The following TBC1D4 variants were observed in gnomAD, a reference collection of about 807,000 sequenced individuals.
TBC1D4 encodes TBC1 domain family member 4.
TBC1D4 carries 121 observed loss-of-function variants against 142.5 expected under a neutral mutation model. That is an observed-to-expected ratio of 0.85 (90% confidence interval 0.73 to 0.99). TBC1D4 has a LOEUF of 0.99. Ranked by LOEUF, TBC1D4 falls within the 50% of genes least tolerant of loss-of-function variation. The pLI is 0.00. For missense variants in TBC1D4, 1,475 were observed against 1,606.6 expected (o/e 0.92, Z 1.40); for synonymous variants, 630 against 628.2 (o/e 1.00, Z -0.04).
intron 12 of TBC1D4, among the ~76,000 whole-genome samples, chr13:75,314,831 T>TAGCTGGGC (rs1878138093): frequency 6.9e-6 from 1 of 145,220 alleles, no homozygotes; most frequent in Admixed American, 6.8e-5. Flanking sequence ...AAAAAAAAAT[T>TAGCTGGGC]AGCTGGGCAT....
In TBC1D4 at chr13:75,286,665, A is replaced by C; in HGVS notation, c.*127T>G. ...AGCACGAGGTCCACCTGCTGTGACT[A>C]GGCGCTCAGCACCAGTATTAGGTGG... On this transcript the variant is annotated 3_prime_UTR_variant, in exon 21 of 21. Transcript: ENST00000377636. 4 of 907,952 alleles carry C rather than the reference A, an allele frequency of 4.4e-6. No homozygotes were observed. Among genetic ancestry groups the C allele is most frequent in the Non-Finnish European group, 7.0e-6 (4 of 568,442 alleles). The allele number at this position is 907,952 out of a possible 1,614,324, so 56.2% of individuals were successfully genotyped here. A position where few individuals can be genotyped will look rare whatever the true frequency, so the allele number is the denominator to read the frequency against.
intron 11 of TBC1D4, among the ~76,000 whole-genome samples, chr13:75,323,498 T>A (rs973904331): frequency 1.6e-4 from 24 of 152,122 alleles, no homozygotes; most frequent in African/African-American, 3.9e-4. Flanking sequence ...TTAATTTTTT[T>A]TAAAAAAAGC....
chr13:75,348,599 T>C (rs1881339294), intron 5 of TBC1D4, among the ~76,000 whole-genome samples: 2 of 152,304 alleles, frequency 1.3e-5, no homozygotes, highest in African/African-American at 4.8e-5. Context: ...GGATCATCTC[T>C]TTCTCATGGC....
intron 1 of TBC1D4, among the ~76,000 whole-genome samples, chr13:75,440,043 T>C (rs1886970955): frequency 6.6e-6 from 1 of 152,072 alleles, no homozygotes; most frequent in South Asian, 2.1e-4. Flanking sequence ...AACACAATCA[T>C]TGGACAAGCA....
At chr13:75,386,934 A>T (rs1884213640) in intron 1 of TBC1D4, among the ~76,000 whole-genome samples, 1 of 152,142 alleles carries the variant, frequency 6.6e-6, no homozygotes, top group African/African-American at 2.4e-5. Context: ...GATCTTTATC[A>T]TTATTTTTCA....
intron 1 of TBC1D4, among the ~76,000 whole-genome samples, chr13:75,463,396 G>T (rs1271604129): frequency 6.6e-6 from 1 of 152,040 alleles, no homozygotes; most frequent in East Asian, 1.9e-4. Flanking sequence ...CCAAATTAAG[G>T]CTGCACAAAA....
rs1376921083 is a variant in TBC1D4 at position 75,341,182 on chromosome 13, C to G, written c.1554G>C (p.Leu518=). 6.2e-7 allele frequency: 1 copy of G among 1,613,544 alleles called. No homozygotes were observed. The highest frequency in any genetic ancestry group is 8.5e-7 in the Non-Finnish European group (1 of 1,179,938). ...TCTGCTTGGCTTCACACAGCTGCCT[C>G]AGGTGTAAAATCACAAGTTCATTTT... ...QEENELVILH[L]RQLCEAKQKT... is the part of the protein sequence containing the mutation. The change falls in exon 7 of 21, where the codon CTG becomes CTC. Residue 518 remains leucine (L), a synonymous_variant. Transcript: ENST00000377636.
rs41286110 is a variant in TBC1D4, at chr13:75,362,757, A to G, written c.499-150T>C. The G allele has an allele frequency of 1.8e-4, 137 of 777,950 alleles. No individual in the cohort carries two copies. Among genetic ancestry groups the G allele is most frequent in the Non-Finnish European group, 2.5e-4 (123 of 492,410 alleles). 48.2% of individuals were successfully genotyped at this position (777,950 alleles called of 1,614,324 possible). A position where few individuals can be genotyped will look rare whatever the true frequency, so the allele number is the denominator to read the frequency against. On this transcript the variant is annotated intron_variant, in intron 1 of 20. Transcript: ENST00000377636. The surrounding 1 kb of genome is among the most constrained non-coding windows in gnomAD (Gnocchi z 4.2). ...TACACGAGACAGAGCATACACTTACATTATTTGACATAAATGACTTCAAGA... is the reference window on the plus strand; with the variant it reads ...TACACGAGACAGAGCATACACTTACGTTATTTGACATAAATGACTTCAAGA...
At chr13:75,358,262 A>T (rs539280093) in intron 3 of TBC1D4, among the ~76,000 whole-genome samples, 2 of 152,314 alleles carry the variant, frequency 1.3e-5, no homozygotes, top group African/African-American at 4.8e-5. Flanking sequence ...CTACAGAATG[A>T]CACCACAGCC....
chr13:75,381,927 G>A (rs572862812), intron 1 of TBC1D4, among the ~76,000 whole-genome samples: 1 of 152,154 alleles, frequency 6.6e-6, no homozygotes, highest in East Asian at 1.9e-4. Context: ...ATTAATAAAT[G>A]AAATACTAGC....
At chr13:75,435,327 C>CAAAA (rs34114903) in intron 1 of TBC1D4, among the ~76,000 whole-genome samples, 7 of 122,154 alleles carry the variant, frequency 5.7e-5, no homozygotes, top group East Asian at 2.5e-4. Flanking sequence ...GATTCTGTCT[C>CAAAA]AAAAAAAAAA....
intron 1 of TBC1D4, among the ~76,000 whole-genome samples, chr13:75,389,833 G>A (rs1884372148): frequency 6.6e-6 from 1 of 152,164 alleles, no homozygotes; most frequent in African/African-American, 2.4e-5. Context: ...AGGACCAGCA[G>A]ACAATGTTGG....
chr13:75,444,713 C>T (rs975974670), intron 1 of TBC1D4, among the ~76,000 whole-genome samples: 1 of 152,174 alleles, frequency 6.6e-6, no homozygotes, highest in Admixed American at 6.6e-5. Flanking sequence ...GACAATACCC[C>T]TGGCTCTGGG....
intron 5 of TBC1D4, among the ~76,000 whole-genome samples, chr13:75,346,072 A>G (rs2138099144): frequency 6.6e-6 from 1 of 152,342 alleles, no homozygotes; most frequent in South Asian, 2.1e-4. Context: ...GGAGGAAAAT[A>G]TTACTTATAA....
At chr13:75,474,739 C>T (rs140082496) in intron 1 of TBC1D4, among the ~76,000 whole-genome samples, 3 of 151,368 alleles carry the variant, frequency 2.0e-5, no homozygotes, top group Admixed American at 1.3e-4. Context: ...CAGGTTCAAG[C>T]GATTCTCCTG....
intron 15 of TBC1D4, 74 bp from the exon 16 acceptor site, chr13:75,302,475 T>C (rs1876678570): frequency 5.7e-6 from 9 of 1,576,240 alleles, no homozygotes; most frequent in South Asian, 3.4e-5. Context: ...TGATTCACTA[T>C]ATAATTCTGG....
At position 75,284,765 on chromosome 13, in the gene TBC1D4, T is replaced by G. The variant is rs1400608420; in HGVS notation, c.*2027A>C. On this transcript the variant is annotated 3_prime_UTR_variant, in exon 21 of 21. Transcript: ENST00000377636. ...TGCATGAAGCATAACTGGTGCAACATTTTTTAAAAATCACAAATGAAAAAG... is the reference window on the plus strand; with the variant it reads ...TGCATGAAGCATAACTGGTGCAACAGTTTTTAAAAATCACAAATGAAAAAG... The G allele has an allele frequency of 6.6e-6, 1 of 152,222 alleles. No individual in the cohort carries two copies. Among genetic ancestry groups the G allele is most frequent in the Non-Finnish European group, 1.5e-5 (1 of 68,036 alleles). 9.4% of individuals were successfully genotyped at this position (152,222 alleles called of 1,614,324 possible). A position where few individuals can be genotyped will look rare whatever the true frequency, so the allele number is the denominator to read the frequency against.
At chr13:75,387,874 T>C (rs1884266266) in intron 1 of TBC1D4, among the ~76,000 whole-genome samples, 2 of 152,206 alleles carry the variant, frequency 1.3e-5, no homozygotes. Context: ...ACCACAAACT[T>C]CATTTATTAC....
intron 15 of TBC1D4, among the ~76,000 whole-genome samples, chr13:75,304,856 A>T (rs1251790392): frequency 1.3e-5 from 2 of 152,232 alleles, no homozygotes; most frequent in African/African-American, 4.8e-5. Flanking sequence ...AGCAAAGGAC[A>T]TATCAGTGCT....
Sources: gnomAD v4.1 joint callset for allele counts (sites outside exome capture counted in the v4.1 genomes callset) on GRCh38, gnomAD v4.1.1 for gene constraint, Gnocchi (gnomAD v3.1) non-coding constraint, MANE v1.5 for transcripts, NCBI Gene and HGNC (gene_info 2026-07-23, HGNC 2026-07-21) for gene names.